CABP1: variants seen among roughly 807,000 people sequenced by gnomAD.
CABP1 encodes the protein calcium-binding protein 1.
CABP1 carries 17 observed loss-of-function variants against 34.3 expected under a neutral mutation model. That is an observed-to-expected ratio of 0.50 (90% CI 0.34 to 0.74). CABP1 has a LOEUF of 0.74. Among genes scored for constraint, CABP1 ranks in the 30% least tolerant of loss-of-function variants. The probability of loss-of-function intolerance (pLI) is 0.01; values close to 1 mark genes in which losing one functional copy is unlikely to be tolerated. For synonymous variants in CABP1, 198 were observed against 229.2 expected (o/e 0.86, Z 1.23); for missense variants, 373 against 511.1 (o/e 0.73, Z 2.61).
chr12:120,665,697 TTTGCCATAAACCTAAAA>T lies in CABP1; in HGVS notation c.1088-1172_1088-1156del, dbSNP rs549857795. Among the ~76,000 whole-genome samples, 787 of 149,426 alleles carry T rather than the reference TTTGCCATAAACCTAAAA, an allele frequency of 5.3e-3. 2 individuals are homozygous for T. Among genetic ancestry groups the T allele is most frequent in the Non-Finnish European group, 9.0e-3 (604 of 66,986 alleles). ...AAAATCTCCGTACTTTCTAATCCGT[TTTGCCATAAACCTAAAA>T]TTGCCCTTAAAAAAAGAGAGAGAGA... On this transcript the variant is annotated intron_variant, in intron 5 of 5. Coordinates refer to ENST00000316803, the MANE Select transcript of CABP1 (RefSeq NM_001033677.2).
downstream of CABP1, among the ~76,000 whole-genome samples, chr12:120,670,935 G>C (rs1881231014): frequency 6.6e-6 from 1 of 152,114 alleles, no homozygotes; most frequent in African/African-American, 2.4e-5. Context: ...GACTCTAGCA[G>C]GGCAAACAGA....
At chr12:120,675,363 A>G in the CABP1 span, among the ~76,000 whole-genome samples, 12 of 152,202 alleles carry the variant, frequency 7.9e-5, no homozygotes, top group Non-Finnish European at 1.6e-4. Context: ...ATTATCTGTT[A>G]TTAATGATAA....
chr12:120,660,866 G>A lies in CABP1; in HGVS notation c.939+26G>A. 2 of 1,548,006 alleles carry A rather than the reference G, an allele frequency of 1.3e-6. No individual in the cohort carries two copies. The highest frequency in any genetic ancestry group is 3.3e-5 in the Admixed American group (2 of 59,900). On this transcript the variant is annotated intron_variant, in intron 4 of 5. Transcript: ENST00000316803. The surrounding 1 kb of genome is among the most constrained non-coding windows in gnomAD (Gnocchi z 5.0). ...GTAACGGACAGAGGCAGGCAGGCAT[G>A]GGGCGGCTATTGGAATCCTATCTGC...
At chr12:120,650,508 C>A (rs763277848) in intron 1 of CABP1, 1 of 1,558,966 alleles carries the variant, frequency 6.4e-7, no homozygotes, top group Non-Finnish European at 8.6e-7. Flanking sequence ...GGCTCACATC[C>A]GTCCTGGAGG....
rs1220456537 is a variant in CABP1 at position 120,641,168 on chromosome 12, G to T, written c.483G>T (p.Pro161=). 8.1e-7 allele frequency: 1 copy of T among 1,238,084 alleles called. No individual in the cohort carries two copies. The highest frequency in any genetic ancestry group is 4.3e-5 in the Admixed American group (1 of 23,464). The allele number at this position is 1,238,084 out of a possible 1,614,324, so 76.7% of individuals were successfully genotyped here. A position where few individuals can be genotyped will look rare whatever the true frequency, so the allele number is the denominator to read the frequency against. The change falls in exon 1 of 6, where the codon CCG becomes CCT. Residue 161 remains proline, a synonymous_variant. Coordinates refer to ENST00000316803, the MANE Select transcript of CABP1 (RefSeq NM_001033677.2). The surrounding 1 kb of genome is among the most constrained non-coding windows in gnomAD (Gnocchi z 6.7). ...AAASRPSPSS[P]LPPARGRDGE... Reference sequence around the variant, plus strand: ...CGTCCCGACCTTCGCCGTCGTCGCCGCTGCCGCCGGCCCGCGGGCGGGATG... The same window carrying T: ...CGTCCCGACCTTCGCCGTCGTCGCCTCTGCCGCCGGCCCGCGGGCGGGATG...
At chr12:120,675,464 G>C in the CABP1 span, among the ~76,000 whole-genome samples, 1 of 152,192 alleles carries the variant, frequency 6.6e-6, no homozygotes, top group Non-Finnish European at 1.5e-5. Flanking sequence ...CACACATGCT[G>C]TTCCCTCTGC....
chr12:120,672,095 A>T (rs948305136), downstream of CABP1, among the ~76,000 whole-genome samples: 9 of 152,074 alleles, frequency 5.9e-5, no homozygotes, highest in Admixed American at 3.3e-4. Flanking sequence ...AATACCAGAA[A>T]GCCAGACATT....
In CABP1 at chr12:120,660,990, G is replaced by T; in HGVS notation, c.940-81G>T. On this transcript the variant is annotated intron_variant, in intron 4 of 5. Transcript: ENST00000316803. This position sits in a 1 kb window ranked among gnomAD's most constrained non-coding sequence, Gnocchi z 5.0. Reference sequence around the variant, plus strand: ...TCTGGTAAAGGGGGGCAATGACACTGGAGAAGGAGCTCAACTTTGGGATCT... The same window carrying T: ...TCTGGTAAAGGGGGGCAATGACACTTGAGAAGGAGCTCAACTTTGGGATCT... The T allele has an allele frequency of 6.6e-7, 1 of 1,522,958 alleles. No individual in the cohort carries two copies. Among genetic ancestry groups the T allele is most frequent in the Admixed American group, 1.8e-5 (1 of 56,032 alleles). 94.3% of individuals were successfully genotyped at this position (1,522,958 alleles called of 1,614,324 possible).
rs1330654070 is a variant in CABP1 at position 120,645,108 on chromosome 12, TC to T, written c.654+3771del. Among the ~76,000 whole-genome samples, 12 of 152,182 alleles carry T rather than the reference TC, an allele frequency of 7.9e-5. No individual in the cohort carries two copies. In the East Asian group the frequency reaches 1.9e-3, roughly 24 times the overall value. ...GAGTGAGCTACCACGCCCGGCCAGT[TC>T]CTGTGGTTGAGATGGGGAGAGAGGC... On this transcript the variant is annotated intron_variant, in intron 1 of 5. Coordinates refer to ENST00000316803, the MANE Select transcript of CABP1 (RefSeq NM_001033677.2).
the CABP1 span, among the ~76,000 whole-genome samples, chr12:120,673,672 A>G: frequency 6.6e-6 from 1 of 152,210 alleles, no homozygotes; most frequent in Non-Finnish European, 1.5e-5. Flanking sequence ...TCTACTACTT[A>G]TCAGCCGCGT....
intron 1 of CABP1, among the ~76,000 whole-genome samples, chr12:120,642,299 CAGGG>C (rs1879370130): frequency 6.6e-6 from 1 of 151,958 alleles, no homozygotes; most frequent in African/African-American, 2.4e-5. Flanking sequence ...TGTAGGGAAA[CAGGG>C]GGGGCTGTGC....
the CABP1 span, among the ~76,000 whole-genome samples, chr12:120,678,796 G>T: frequency 6.6e-6 from 1 of 151,574 alleles, no homozygotes; most frequent in Admixed American, 6.6e-5. Context: ...TCCTGGACGG[G>T]CGTGGTGACA....
intron 1 of CABP1, among the ~76,000 whole-genome samples, chr12:120,646,713 A>G (rs1016237773): frequency 6.6e-6 from 1 of 152,022 alleles, no homozygotes; most frequent in African/African-American, 2.4e-5. Flanking sequence ...GGGTCTTGCT[A>G]TGTTGCCCAG....
At position 120,641,482 on chromosome 12, in the gene CABP1, C is replaced by A. The variant is rs1879320989; in HGVS notation, c.654+143C>A. 2.1e-6 allele frequency: 2 copies of A among 932,816 alleles called. No homozygotes were observed. The highest frequency in any genetic ancestry group is 1.4e-6 in the Non-Finnish European group (1 of 715,900). The allele number at this position is 932,816 out of a possible 1,614,324, so 57.8% of individuals were successfully genotyped here. On this transcript the variant is annotated intron_variant, in intron 1 of 5. Coordinates refer to ENST00000316803, the MANE Select transcript of CABP1 (RefSeq NM_001033677.2). The surrounding 1 kb of genome is among the most constrained non-coding windows in gnomAD (Gnocchi z 6.7). ...GCTCACCTCGTCCTCCCCGGGCCGG[C>A]GCCCTTGCCGGCACTCCTCCTCCCC...
chr12:120,680,075 G>A, the CABP1 span, among the ~76,000 whole-genome samples: 4 of 151,676 alleles, frequency 2.6e-5, no homozygotes, highest in Non-Finnish European at 5.9e-5. Flanking sequence ...AAGGAGGCTG[G>A]GGCAGGAGAA....
chr12:120,677,386 C>CCTT, the CABP1 span, among the ~76,000 whole-genome samples: 1 of 141,666 alleles, frequency 7.1e-6, no homozygotes, highest in Non-Finnish European at 1.5e-5. Flanking sequence ...CTATGCCCAG[C>CCTT]CTTCTTTTTT....
Position 120,661,724 on chromosome 12 carries a change from TTCA to T in CABP1, c.1087+509_1087+511del, listed in dbSNP as rs780828938. 1 of 157,094 alleles carries T rather than the reference TTCA, an allele frequency of 6.4e-6. No individual in the cohort carries two copies. Among genetic ancestry groups the T allele is most frequent in the African/African-American group, 2.4e-5 (1 of 41,480 alleles). The allele number at this position is 157,094 out of a possible 1,614,324, so 9.7% of individuals were successfully genotyped here. ...ACCTATCCATCCATCTGTCCATCCA[TTCA>T]TCTACCTATTCATCTATCTGTCCAT... is the stretch of plus-strand genomic sequence containing the variant. On this transcript the variant is annotated intron_variant, in intron 5 of 5. Coordinates refer to ENST00000316803, the MANE Select transcript of CABP1 (RefSeq NM_001033677.2). The surrounding 1 kb of genome is among the most constrained non-coding windows in gnomAD (Gnocchi z 5.1).
rs1254139460 is a variant in CABP1 at position 120,660,480 on chromosome 12, C to A, written c.829+141C>A. The A allele has an allele frequency of 2.4e-5, 22 of 932,388 alleles. No individual in the cohort carries two copies. The South Asian group carries it at 3.7e-4, about 16-fold the overall frequency. 57.8% of individuals were successfully genotyped at this position (932,388 alleles called of 1,614,324 possible). A position where few individuals can be genotyped will look rare whatever the true frequency, so the allele number is the denominator to read the frequency against. ...GGGCCAACCACTTACCCTCTCTGAG[C>A]CTCAGTTTCCTCACCTGTAAAATGA... is the stretch of plus-strand genomic sequence containing the variant. On this transcript the variant is annotated intron_variant, in intron 3 of 5. Coordinates refer to ENST00000316803, the MANE Select transcript of CABP1 (RefSeq NM_001033677.2). The surrounding 1 kb of genome is among the most constrained non-coding windows in gnomAD (Gnocchi z 5.0).
At chr12:120,668,424 C>T (rs1881123473), downstream of CABP1, among the ~76,000 whole-genome samples, 1 of 151,980 alleles carries the variant, frequency 6.6e-6, no homozygotes, top group African/African-American at 2.4e-5. Context: ...TGCAGTGGGC[C>T]GAGATCATGC....
Sources: gnomAD v4.1 joint callset for allele counts (sites outside exome capture counted in the v4.1 genomes callset) on GRCh38, gnomAD v4.1.1 for gene constraint, Gnocchi (gnomAD v3.1) non-coding constraint, MANE v1.5 for transcripts, NCBI Gene and HGNC (gene_info 2026-07-23, HGNC 2026-07-21) for gene names.